The following LARGE1 variants were observed in gnomAD, a reference collection of about 807,000 sequenced individuals.
LARGE1 encodes LARGE xylosyl- and glucuronyltransferase 1.
A neutral mutation model predicts 87.6 loss-of-function variants in LARGE1; 43 were observed. The observed-to-expected ratio is 0.49, with a 90% CI of 0.38 to 0.63. The LOEUF (loss-of-function observed/expected upper bound fraction) is 0.63. Among genes scored for constraint, LARGE1 ranks in the 30% least tolerant of loss-of-function variants. The pLI is 0.00. For missense variants in LARGE1, 802 were observed against 1,000.2 expected (o/e 0.80, Z 2.67); for synonymous variants, 434 against 394.6 (o/e 1.10, Z -1.18).
At chr22:33,146,892 C>T in the LARGE1 span, among the ~76,000 whole-genome samples, 1 of 152,180 alleles carries the variant, frequency 6.6e-6, no homozygotes, top group Non-Finnish European at 1.5e-5. Flanking sequence ...TGTGTCCTTC[C>T]AGTCTACAGC....
intron 13 of LARGE1, among the ~76,000 whole-genome samples, chr22:33,279,321 C>T: frequency 6.6e-6 from 1 of 152,196 alleles, no homozygotes; most frequent in East Asian, 1.9e-4. Context: ...AAGAGCATAG[C>T]TGCAGGGAGA....
chr22:33,760,828 G>T lies in LARGE1; in HGVS notation c.106+543C>A, dbSNP rs151143270. On this transcript the variant is annotated intron_variant, in intron 2 of 14. Transcript: ENST00000397394. ...CTAGCTACTTGGGAGGTTGAGGCAG[G>T]AGAATCACTTGAACTCGGGAGGCAG... Among the ~76,000 whole-genome samples, 799 of 152,242 alleles carry T rather than the reference G, an allele frequency of 5.2e-3. 2 individuals carry two copies. Among genetic ancestry groups the T allele is most frequent in the African/African-American group, 0.019 (771 of 41,554 alleles).
At chr22:33,712,599 A>C (rs2082765707) in intron 2 of LARGE1, among the ~76,000 whole-genome samples, 5 of 151,620 alleles carry the variant, frequency 3.3e-5, no homozygotes, top group Admixed American at 2.6e-4. Context: ...GGAAACAAAC[A>C]GTAATTAGAG....
intron 1 of LARGE1, among the ~76,000 whole-genome samples, chr22:33,857,705 C>G (rs898834341): frequency 2.8e-4 from 42 of 152,140 alleles, no homozygotes; most frequent in Admixed American, 2.4e-3. Flanking sequence ...TGCTTAAGAC[C>G]TGGGCTTGAG....
At chr22:33,687,883 C>T (rs2081990312) in intron 2 of LARGE1, among the ~76,000 whole-genome samples, 1 of 152,186 alleles carries the variant, frequency 6.6e-6, no homozygotes, top group African/African-American at 2.4e-5. Context: ...CCTCCACTCA[C>T]CTTCTCTCTT....
At chr22:33,441,306 T>G (rs978647112) in intron 6 of LARGE1, among the ~76,000 whole-genome samples, 1 of 152,102 alleles carries the variant, frequency 6.6e-6, no homozygotes, top group African/African-American at 2.4e-5. Context: ...ACTCCTGACC[T>G]CAGGTGATCC....
chr22:33,442,868 C>T (rs977566233), intron 6 of LARGE1, among the ~76,000 whole-genome samples: 3 of 151,678 alleles, frequency 2.0e-5, no homozygotes, highest in East Asian at 3.9e-4. Flanking sequence ...TCTCCGCTCA[C>T]TGCAAGCTCC....
intron 1 of LARGE1, among the ~76,000 whole-genome samples, chr22:33,851,297 T>C (rs1248522699): frequency 6.6e-6 from 1 of 152,228 alleles, no homozygotes; most frequent in Non-Finnish European, 1.5e-5. Flanking sequence ...AAGACCCCAC[T>C]GTGTCTTCCA....
At chr22:33,619,473 T>C (rs1429758736) in intron 4 of LARGE1, among the ~76,000 whole-genome samples, 1 of 148,114 alleles carries the variant, frequency 6.8e-6, no homozygotes, top group Non-Finnish European at 1.5e-5. Context: ...GAGAATTGCT[T>C]GAACTTGGGA....
intron 2 of LARGE1, among the ~76,000 whole-genome samples, chr22:33,727,206 T>C (rs1340781118): frequency 1.3e-5 from 2 of 152,152 alleles, no homozygotes; most frequent in African/African-American, 4.8e-5. Flanking sequence ...TATAGGGCTG[T>C]TAACAAGAAT....
At chr22:33,242,921 T>C (rs1371431015) in intron 11 of LARGE1, among the ~76,000 whole-genome samples, 8 of 152,196 alleles carry the variant, frequency 5.3e-5, no homozygotes, top group Non-Finnish European at 1.0e-4. Context: ...AAGCATCACC[T>C]CCATCTCTGC....
At chr22:33,216,831 C>G (rs1032961287) in intron 11 of LARGE1, among the ~76,000 whole-genome samples, 1 of 152,092 alleles carries the variant, frequency 6.6e-6, no homozygotes, top group Non-Finnish European at 1.5e-5. Context: ...AAGATACATG[C>G]AGGAGACTGC....
chr22:33,883,735 C>G (rs923800668), intron 1 of LARGE1, among the ~76,000 whole-genome samples: 1 of 152,208 alleles, frequency 6.6e-6, no homozygotes, highest in Non-Finnish European at 1.5e-5. Context: ...CCCAGAAAGC[C>G]CCATGACTCA....
intron 1 of LARGE1, among the ~76,000 whole-genome samples, chr22:33,849,295 T>C (rs1482742798): frequency 6.6e-6 from 1 of 152,156 alleles, no homozygotes; most frequent in Non-Finnish European, 1.5e-5. Flanking sequence ...CTGGGTGTCC[T>C]TAGCAAGCTA....
intron 6 of LARGE1, among the ~76,000 whole-genome samples, chr22:33,486,528 GAC>G (rs1286627489): frequency 1.4e-5 from 2 of 141,234 alleles, no homozygotes; most frequent in African/African-American, 5.5e-5. Flanking sequence ...CAGAGAGAGA[GAC>G]AGAGAGAGAG....
At chr22:33,837,912 G>A (rs2063155791) in intron 1 of LARGE1, among the ~76,000 whole-genome samples, 1 of 152,176 alleles carries the variant, frequency 6.6e-6, no homozygotes, top group African/African-American at 2.4e-5. Context: ...TAGAACACGG[G>A]CCAGCAAAAT....
intron 12 of LARGE1, among the ~76,000 whole-genome samples, chr22:33,297,335 G>A (rs1204123657): frequency 2.0e-5 from 3 of 152,164 alleles, no homozygotes; most frequent in African/African-American, 7.2e-5. Flanking sequence ...GGGGCTGGGC[G>A]CAGTGGTTCA....
chr22:33,561,187 C>T (rs550652874), intron 6 of LARGE1, among the ~76,000 whole-genome samples: 3 of 152,320 alleles, frequency 2.0e-5, no homozygotes, highest in South Asian at 2.1e-4. Flanking sequence ...AGTTAGCTTT[C>T]CCTCTGTTTT....
chr22:33,719,344 G>A (rs2083009627), intron 2 of LARGE1, among the ~76,000 whole-genome samples: 1 of 152,016 alleles, frequency 6.6e-6, no homozygotes, highest in African/African-American at 2.4e-5. Flanking sequence ...GCATAAGTGC[G>A]CAGTGTTTAG....
Sources: gnomAD v4.1 joint callset for allele counts (sites outside exome capture counted in the v4.1 genomes callset) on GRCh38, gnomAD v4.1.1 for gene constraint, MANE v1.5 for transcripts, NCBI Gene and HGNC (gene_info 2026-07-23, HGNC 2026-07-21) for gene names.